HECW2: variants seen among roughly 807,000 people sequenced by gnomAD.
HECW2 encodes E3 ubiquitin-protein ligase HECW2.
In HECW2, 61 loss-of-function variants were observed where a neutral mutation model predicts 175.2. The ratio of observed to expected loss-of-function variants is 0.35; its 90% CI spans 0.28 to 0.43. HECW2 has a LOEUF of 0.43. Ranked by LOEUF, HECW2 falls within the 20% of genes least tolerant of loss-of-function variation. The pLI is 1.00. For synonymous variants in HECW2, 671 were observed against 731.0 expected (o/e 0.92, Z 1.32); for missense variants, 1,524 against 2,000.5 (o/e 0.76, Z 4.54).
At chr2:196,583,681 G>C (rs1282325982) in intron 1 of HECW2, among the ~76,000 whole-genome samples, 1 of 152,154 alleles carries the variant, frequency 6.6e-6, no homozygotes, top group African/African-American at 2.4e-5. Flanking sequence ...TAATCTTTTA[G>C]TATCCTGTGT....
At chr2:196,356,852 A>T (rs1056476690) in intron 2 of HECW2, among the ~76,000 whole-genome samples, 1 of 152,224 alleles carries the variant, frequency 6.6e-6, no homozygotes, top group Non-Finnish European at 1.5e-5. Context: ...AGGGAATAAC[A>T]GTGTATGGTA....
intron 27 of HECW2, among the ~76,000 whole-genome samples, chr2:196,216,316 A>G (rs184574717): frequency 2.0e-3 from 304 of 152,290 alleles, no homozygotes; most frequent in African/African-American, 7.1e-3. Context: ...TCAACTTAGC[A>G]TCAGTCCTTG....
intron 28 of HECW2, among the ~76,000 whole-genome samples, chr2:196,203,880 C>G (rs1022790623): frequency 6.6e-5 from 10 of 152,324 alleles, no homozygotes; most frequent in African/African-American, 2.2e-4. Context: ...TTCCTCTCCC[C>G]CTAGCCCCTG....
At chr2:196,236,238 C>T (rs1180684105) in intron 21 of HECW2, among the ~76,000 whole-genome samples, 1 of 152,138 alleles carries the variant, frequency 6.6e-6, no homozygotes, top group Admixed American at 6.5e-5. Context: ...CATATACATA[C>T]CAAAATTTAC....
In HECW2 at chr2:196,292,670, T is replaced by C. The variant is rs755963588; in HGVS notation, c.2895A>G (p.Glu965=). The C allele has an allele frequency of 5.6e-6, 9 of 1,614,090 alleles. 1 individual carries two copies. In the Admixed American group the frequency reaches 1.5e-4, roughly 27 times the overall value. The change falls in exon 14 of 29, where the codon GAA becomes GAG. Residue 965 remains glutamate, a synonymous_variant. Transcript: ENST00000644978. ...CAAGGTCGCGGTTATGCTGGTAGCG[T>C]TCAAAGTGGTGGGTGTCCCTCCGGA... ...TKVRRDTHHF[E]RYQHNRDLVG... is the part of the protein sequence containing the mutation.
rs117683401 is a variant in HECW2 at position 196,281,108 on chromosome 2, T to C, written c.3001-2446A>G. Among the ~76,000 whole-genome samples the C allele has an allele frequency of 8.7e-4, 133 of 152,340 alleles. 2 individuals are homozygous for C. The East Asian group carries it at 0.019, about 22-fold the overall frequency. On this transcript the variant is annotated intron_variant, in intron 14 of 28. Coordinates refer to ENST00000644978, the MANE Select transcript of HECW2 (RefSeq NM_001348768.2). ...ACATGTAGGTCAACTATGATTTGTA[T>C]GTAGTGTCATAGCCTAATGTGATGT...
intron 26 of HECW2, chr2:196,217,879 G>A (rs1687533810): frequency 6.6e-6 from 1 of 152,226 alleles, no homozygotes; most frequent in South Asian, 2.1e-4. Flanking sequence ...TAGTTAATGG[G>A]CACTGAGTTA....
At chr2:196,317,562 T>C (rs200631286) in intron 9 of HECW2, among the ~76,000 whole-genome samples, 193 bp from the exon 10 acceptor site, 64 of 152,174 alleles carry the variant, frequency 4.2e-4, no homozygotes, top group Non-Finnish European at 8.2e-4. Flanking sequence ...CCTGAAGAAA[T>C]GTCCTCTGCA....
intron 13 of HECW2, among the ~76,000 whole-genome samples, chr2:196,305,790 A>G (rs1691235162): frequency 1.3e-5 from 2 of 152,130 alleles, no homozygotes; most frequent in Non-Finnish European, 2.9e-5. Context: ...ATCCTAGTAC[A>G]GGTTCCTATC....
chr2:196,425,841 G>C (rs962215731), intron 2 of HECW2, among the ~76,000 whole-genome samples: 1 of 152,046 alleles, frequency 6.6e-6, no homozygotes, highest in Admixed American at 6.6e-5. Flanking sequence ...CTAGCAGCAG[G>C]GTTTGAAAAG....
chr2:196,381,776 G>C lies in HECW2; in HGVS notation c.293-38012C>G, dbSNP rs138906976. 5.4e-3 allele frequency among the ~76,000 whole-genome samples: 820 copies of C among 152,226 alleles called. 8 individuals are homozygous for C. The highest frequency in any genetic ancestry group is 0.02 in the Middle Eastern group (6 of 294). On this transcript the variant is annotated intron_variant, in intron 2 of 28. Coordinates refer to ENST00000644978, the MANE Select transcript of HECW2 (RefSeq NM_001348768.2). Reference sequence around the variant, plus strand: ...GCTTTCCTAAACTGCCAGATTTCCTGCAGAAATCTACTGCAGGACACAGCT... The same window carrying C: ...GCTTTCCTAAACTGCCAGATTTCCTCCAGAAATCTACTGCAGGACACAGCT...
chr2:196,390,130 C>T (rs1575491583), intron 2 of HECW2, among the ~76,000 whole-genome samples: 1 of 152,088 alleles, frequency 6.6e-6, no homozygotes, highest in Non-Finnish European at 1.5e-5. Flanking sequence ...TCATAATTTT[C>T]CTGACAACTC....
intron 17 of HECW2, among the ~76,000 whole-genome samples, chr2:196,270,653 TTTCGTTTTTTAAATA>T (rs1689693706): frequency 6.6e-6 from 1 of 152,082 alleles, no homozygotes. Flanking sequence ...TTTTTTCATA[TTTCGTTTTTTAAATA>T]GGGTTCTGGG....
intron 1 of HECW2, among the ~76,000 whole-genome samples, chr2:196,592,192 T>C (rs1393311604): frequency 6.6e-6 from 1 of 152,150 alleles, no homozygotes; most frequent in African/African-American, 2.4e-5. Flanking sequence ...TCTAGGACAG[T>C]GAAAGCAGAA....
At chr2:196,524,045 G>T (rs1194333795) in intron 1 of HECW2, among the ~76,000 whole-genome samples, 2 of 148,864 alleles carry the variant, frequency 1.3e-5, no homozygotes, top group African/African-American at 2.5e-5. Flanking sequence ...AGTTTCAGAA[G>T]GAATGGTACC....
intron 1 of HECW2, among the ~76,000 whole-genome samples, chr2:196,499,357 A>G (rs1268531621): frequency 6.6e-6 from 1 of 152,088 alleles, no homozygotes; most frequent in Non-Finnish European, 1.5e-5. Flanking sequence ...TTATGAAAGT[A>G]TTCGTTCTAC....
intron 21 of HECW2, among the ~76,000 whole-genome samples, chr2:196,228,651 CA>C (rs1159004751): frequency 2.0e-5 from 3 of 151,956 alleles, no homozygotes; most frequent in Non-Finnish European, 4.4e-5. Context: ...AGGGTAAAAC[CA>C]GGGGGAATCA....
At chr2:196,320,547 G>C (rs1434687442) in intron 7 of HECW2, 108 bp from the exon 8 acceptor site, 1 of 627,142 alleles carries the variant, frequency 1.6e-6, no homozygotes, top group African/African-American at 1.8e-5. Context: ...AAAACTTTCA[G>C]ACTCACAAGA....
intron 14 of HECW2, among the ~76,000 whole-genome samples, chr2:196,284,617 A>C (rs1304653885): frequency 1.3e-5 from 2 of 152,240 alleles, no homozygotes; most frequent in African/African-American, 4.8e-5. Context: ...TGAAGAGAAG[A>C]GCATGCAAAG....
Sources: allele counts gnomAD v4.1 joint callset (sites outside exome capture counted in the v4.1 genomes callset), GRCh38; gene constraint gnomAD v4.1.1; transcripts MANE v1.5; gene names NCBI Gene and HGNC (gene_info 2026-07-23, HGNC 2026-07-21).